Variants in ABR observed in about 807,000 individuals in gnomAD.
ABR encodes the protein active breakpoint cluster region-related protein.
ABR carries 35 observed loss-of-function variants against 107.2 expected under a neutral mutation model. That is an observed-to-expected ratio of 0.33 (90% CI 0.25 to 0.43). ABR has a LOEUF of 0.43. ABR is among the 20% of genes least tolerant of loss of function. ABR has a pLI of 1.00. For missense variants in ABR, 815 were observed against 1,115.2 expected, an observed-to-expected ratio of 0.73 and a Z score of 3.83; for synonymous variants, 498 against 462.0, an observed-to-expected ratio of 1.08 and a Z score of -1.00.
chr17:1,101,407 T>A (rs1050032055), intron 2 of ABR: 9 of 152,328 alleles, frequency 5.9e-5, no homozygotes, highest in African/African-American at 1.9e-4. Flanking sequence ...TCCTGTAACA[T>A]CTCGTTTTGC....
intron 1 of ABR, among the ~76,000 whole-genome samples, chr17:1,193,048 CA>C (rs1329347647): frequency 2.0e-4 from 30 of 152,212 alleles, no homozygotes; most frequent in African/African-American, 7.2e-4. Context: ...AACTCTATCT[CA>C]AAACAAAAAA....
chr17:1,005,327 C>G lies in ABR; in HGVS notation c.*753G>C. 1 of 396,202 alleles carries G rather than the reference C, an allele frequency of 2.5e-6. No individual in the cohort carries two copies. Among genetic ancestry groups the G allele is most frequent in the Non-Finnish European group, 4.4e-6 (1 of 225,064 alleles). 24.5% of individuals were successfully genotyped at this position (396,202 alleles called of 1,614,324 possible). On this transcript the variant is annotated 3_prime_UTR_variant, in exon 23 of 23. Coordinates refer to ENST00000302538, the MANE Select transcript of ABR (RefSeq NM_021962.5). ...CAGGTAAACCCCAGAAGTGGAGATT[C>G]CCAAACGGAAAATTCCAGAAATGGG...
At position 1,058,245 on chromosome 17, in the gene ABR, A is replaced by T. The variant is rs566127953; in HGVS notation, c.1306-200T>A. Among the ~76,000 whole-genome samples the T allele has an allele frequency of 8.2e-4, 122 of 148,434 alleles. 1 individual carries two copies. The highest frequency in any genetic ancestry group is 3.0e-3 in the African/African-American group (119 of 40,238). Reference sequence around the variant, plus strand: ...ACCTCCACCTCCCGGGTTCACGCCAATCTCCTGCCTCAGCCTCCTGAGTAG... The same window carrying T: ...ACCTCCACCTCCCGGGTTCACGCCATTCTCCTGCCTCAGCCTCCTGAGTAG... On this transcript the variant is annotated intron_variant, in intron 11 of 22. Coordinates refer to ENST00000302538, the MANE Select transcript of ABR (RefSeq NM_021962.5).
intron 2 of ABR, among the ~76,000 whole-genome samples, chr17:1,107,612 A>AT (rs1264823201): frequency 6.6e-6 from 1 of 152,140 alleles, no homozygotes; most frequent in Non-Finnish European, 1.5e-5. Flanking sequence ...CACACCTCCC[A>AT]TCCCAGCATT....
chr17:1,179,804 G>C lies in ABR; in HGVS notation c.-77C>G. The C allele has an allele frequency of 7.6e-7, 1 of 1,317,230 alleles. No homozygotes were observed. Among genetic ancestry groups the C allele is most frequent in the South Asian group, 1.6e-5 (1 of 61,468 alleles). The allele number at this position is 1,317,230 out of a possible 1,614,324, so 81.6% of individuals were successfully genotyped here. A position where few individuals can be genotyped will look rare whatever the true frequency, so the allele number is the denominator to read the frequency against. Reference sequence around the variant, plus strand: ...AAGGAGGGAGAGCGGGCGGGAGCCGGGGGAGGCCGAAGTTGCGAGCGCGGA... The same window carrying C: ...AAGGAGGGAGAGCGGGCGGGAGCCGCGGGAGGCCGAAGTTGCGAGCGCGGA... On this transcript the variant is annotated 5_prime_UTR_variant, in exon 1 of 23. Coordinates refer to ENST00000302538, the MANE Select transcript of ABR (RefSeq NM_021962.5). The surrounding 1 kb of genome is among the most constrained non-coding windows in gnomAD (Gnocchi z 4.9).
chr17:1,193,911 GTTTT>G (rs1413667841), intron 1 of ABR, among the ~76,000 whole-genome samples: 44 of 152,064 alleles, frequency 2.9e-4, no homozygotes, highest in African/African-American at 1.0e-3. Context: ...AGCCAGGATG[GTTTT>G]GATCTCCTGA....
chr17:1,077,947 C>T (rs2035863573), intron 6 of ABR, among the ~76,000 whole-genome samples: 1 of 152,206 alleles, frequency 6.6e-6, no homozygotes, highest in Admixed American at 6.5e-5. Context: ...AGGCAGGGTC[C>T]ACGGGCTTCT....
Position 1,009,742 on chromosome 17 carries a change from A to G in ABR, c.2279T>C (p.Leu760Pro). The change falls in exon 21 of 23, where the codon CTG becomes CCG. Residue 760 changes from leucine to proline, a missense_variant. This residue lies in a region of ABR where 175 missense variants were observed against 284.3 expected (regional missense o/e 0.62). Coordinates refer to ENST00000302538, the MANE Select transcript of ABR (RefSeq NM_021962.5). ...PAAKENCMMH[L>P]LRSLPDPNLI... ...GTTGGGGTCGGGCAGGGAGCGGAGC[A>G]GGTGCATCATGCAGTTTTCCTTGGC... 1.2e-6 allele frequency: 2 copies of G among 1,614,154 alleles called. No homozygotes were observed. The highest frequency in any genetic ancestry group is 1.7e-6 in the Non-Finnish European group (2 of 1,180,026).
At chr17:1,040,595 A>G (rs2150974875) in intron 16 of ABR, among the ~76,000 whole-genome samples, 1 of 152,316 alleles carries the variant, frequency 6.6e-6, no homozygotes, top group East Asian at 1.9e-4. Context: ...CCAGGGGACC[A>G]CTTATAGGTG....
chr17:1,046,501 C>T (rs893603770), intron 16 of ABR, among the ~76,000 whole-genome samples: 3 of 152,228 alleles, frequency 2.0e-5, no homozygotes, highest in African/African-American at 7.2e-5. Flanking sequence ...GAACTCCTGA[C>T]CTCGTGATCA....
chr17:1,127,176 A>G (rs1177752873), intron 1 of ABR, among the ~76,000 whole-genome samples: 1 of 152,176 alleles, frequency 6.6e-6, no homozygotes, highest in African/African-American at 2.4e-5. Context: ...GCCAGGGGAC[A>G]TGGACTAGTT....
At chr17:1,133,330 C>T (rs1053194438) in intron 1 of ABR, among the ~76,000 whole-genome samples, 11 of 151,580 alleles carry the variant, frequency 7.3e-5, no homozygotes, top group African/African-American at 2.4e-4. Flanking sequence ...CAGTTTATAC[C>T]CAGCGTAATA....
At chr17:1,094,528 G>A (rs947542695) in intron 3 of ABR, among the ~76,000 whole-genome samples, 2 of 151,982 alleles carry the variant, frequency 1.3e-5, no homozygotes, top group African/African-American at 4.8e-5. Flanking sequence ...CCACCACCCC[G>A]CCCAGCTAGT....
chr17:1,118,412 G>T (rs1461598251), intron 2 of ABR, among the ~76,000 whole-genome samples: 1 of 40,934 alleles, frequency 2.4e-5, no homozygotes, highest in African/African-American at 1.1e-4. Context: ...CGTTATCCCT[G>T]AGCCTGAGTC....
chr17:1,102,243 C>T (rs558569133), intron 2 of ABR, among the ~76,000 whole-genome samples: 2 of 152,276 alleles, frequency 1.3e-5, no homozygotes, highest in African/African-American at 4.8e-5. Context: ...CGTTCTTTAC[C>T]TGCTGCCTAA....
chr17:1,190,497 G>A (rs890121223), upstream of ABR, among the ~76,000 whole-genome samples: 2 of 152,184 alleles, frequency 1.3e-5, no homozygotes, highest in East Asian at 1.9e-4. Flanking sequence ...AGCCAGGCGT[G>A]GTGGTGGGTG....
chr17:1,028,793 A>C (rs2072457650), intron 16 of ABR, among the ~76,000 whole-genome samples: 1 of 152,222 alleles, frequency 6.6e-6, no homozygotes, highest in Non-Finnish European at 1.5e-5. Context: ...GCCGGCCAGC[A>C]TCTGGCCTGG....
intron 2 of ABR, chr17:1,108,958 C>A (rs752594798): frequency 6.3e-7 from 1 of 1,596,280 alleles, no homozygotes; most frequent in South Asian, 1.1e-5. Context: ...GGAAGGGGGA[C>A]CCTGAGCCGG....
intron 1 of ABR, among the ~76,000 whole-genome samples, chr17:1,164,295 C>T (rs1215961655): frequency 1.3e-5 from 2 of 150,084 alleles, no homozygotes; most frequent in Admixed American, 6.6e-5. Context: ...TGAATCCAGA[C>T]GCAGGGACCC....
Sources: gnomAD v4.1 joint callset for allele counts (sites outside exome capture counted in the v4.1 genomes callset) on GRCh38, gnomAD v4.1.1 for gene constraint, gnomAD v4.1.1 regional missense constraint, Gnocchi (gnomAD v3.1) non-coding constraint, MANE v1.5 for transcripts, NCBI Gene and HGNC (gene_info 2026-07-23, HGNC 2026-07-21) for gene names.